The following ZBTB20 variants were observed in gnomAD, a reference collection of about 807,000 sequenced individuals.
ZBTB20 encodes the protein zinc finger and BTB domain-containing protein 20.
A neutral mutation model predicts 56.9 loss-of-function variants in ZBTB20; 9 were observed. The observed-to-expected ratio is 0.16, with a 90% CI of 0.10 to 0.28. ZBTB20 has a LOEUF of 0.28. ZBTB20 is among the 10% of genes least tolerant of loss of function. ZBTB20 has a pLI of 1.00. For missense variants in ZBTB20, 655 were observed against 1,003.0 expected, an observed-to-expected ratio of 0.65 and a Z score of 4.69; for synonymous variants, 417 against 420.7, an observed-to-expected ratio of 0.99 and a Z score of 0.11.
Position 115,050,058 on chromosome 3 carries a change from C to T in ZBTB20, c.-507+21161G>A, listed in dbSNP as rs2081485551. 3.3e-5 allele frequency among the ~76,000 whole-genome samples: 5 copies of T among 151,872 alleles called. No individual in the cohort carries two copies. In the South Asian group the frequency reaches 6.3e-4, roughly 19 times the overall value. The stretch of plus-strand genomic sequence containing the variant: ...TAAGGAACAAGTGTTGAAAAAAATT[C>T]CCCTAGTGTTATGGAAATGGTATTT... On this transcript the variant is annotated intron_variant, in intron 2 of 11. Transcript: ENST00000675478.
At chr3:114,712,492 A>T (rs1302598565) in intron 5 of ZBTB20, among the ~76,000 whole-genome samples, 1 of 151,788 alleles carries the variant, frequency 6.6e-6, no homozygotes, top group African/African-American at 2.4e-5. Flanking sequence ...CTCTACTAAA[A>T]ATTAAAAAAA....
At chr3:115,020,250 A>G (rs1322224153) in intron 2 of ZBTB20, among the ~76,000 whole-genome samples, 1 of 151,198 alleles carries the variant, frequency 6.6e-6, no homozygotes, top group Non-Finnish European at 1.5e-5. Flanking sequence ...ATTATATTTT[A>G]AAATTGATAT....
chr3:114,384,285 G>GA (rs754177583), intron 8 of ZBTB20, among the ~76,000 whole-genome samples: 20 of 151,826 alleles, frequency 1.3e-4, no homozygotes, highest in Non-Finnish European at 2.4e-4. Context: ...AACAAAGAAA[G>GA]AAACCAGGGA....
At chr3:114,924,348 G>A (rs1292801982) in intron 3 of ZBTB20, among the ~76,000 whole-genome samples, 1 of 152,126 alleles carries the variant, frequency 6.6e-6, no homozygotes, top group South Asian at 2.1e-4. Context: ...TAAAGAAAAT[G>A]TGGTACATAT....
At chr3:114,648,147 A>T (rs2059945823) in intron 6 of ZBTB20, among the ~76,000 whole-genome samples, 1 of 151,894 alleles carries the variant, frequency 6.6e-6, no homozygotes, top group Non-Finnish European at 1.5e-5. Context: ...ATTACTCATC[A>T]ATAAAAAATT....
chr3:114,731,823 T>G (rs889186749), intron 5 of ZBTB20, among the ~76,000 whole-genome samples: 1 of 152,122 alleles, frequency 6.6e-6, no homozygotes. Context: ...CGGCTGTGCC[T>G]AGATTAGTAA....
At chr3:114,879,445 A>G (rs1008437527) in intron 4 of ZBTB20, among the ~76,000 whole-genome samples, 1 of 152,168 alleles carries the variant, frequency 6.6e-6, no homozygotes, top group East Asian at 1.9e-4. Flanking sequence ...AGTGACTAAA[A>G]TCTAGTCACT....
At chr3:115,054,517 T>A (rs921699653) in intron 2 of ZBTB20, among the ~76,000 whole-genome samples, 21 of 152,124 alleles carry the variant, frequency 1.4e-4, no homozygotes, top group Middle Eastern at 3.2e-3. Context: ...CTTTTCCCCG[T>A]CAAGTATTCC....
intron 5 of ZBTB20, among the ~76,000 whole-genome samples, chr3:114,765,678 T>A (rs1428656993): frequency 1.3e-5 from 2 of 152,158 alleles, no homozygotes; most frequent in Non-Finnish European, 2.9e-5. Flanking sequence ...CAGGAAATCA[T>A]CATGTAAAGA....
chr3:115,146,526 G>T (rs2084979432), intron 1 of ZBTB20, among the ~76,000 whole-genome samples: 1 of 152,198 alleles, frequency 6.6e-6, no homozygotes, highest in African/African-American at 2.4e-5. Flanking sequence ...TGTTTCCGAA[G>T]TGGCCCAAAG....
intron 3 of ZBTB20, among the ~76,000 whole-genome samples, chr3:114,958,273 G>T (rs112893018): frequency 2.0e-5 from 3 of 152,290 alleles, no homozygotes; most frequent in African/African-American, 7.2e-5. Context: ...ACTGTCTAAA[G>T]AATTTATTTT....
intron 5 of ZBTB20, among the ~76,000 whole-genome samples, chr3:114,731,472 T>G (rs918126630): frequency 1.3e-5 from 2 of 152,224 alleles, no homozygotes; most frequent in Admixed American, 1.3e-4. Context: ...TTTCTATGTA[T>G]CTGGACTCAT....
At chr3:114,722,644 G>A (rs1392974061) in intron 5 of ZBTB20, among the ~76,000 whole-genome samples, 2 of 152,106 alleles carry the variant, frequency 1.3e-5, no homozygotes. Flanking sequence ...ATACAGCTTG[G>A]CTCTTCCCTC....
intron 2 of ZBTB20, among the ~76,000 whole-genome samples, chr3:115,058,230 G>C (rs1307402579): frequency 6.6e-6 from 1 of 152,064 alleles, no homozygotes; most frequent in Non-Finnish European, 1.5e-5. Context: ...AGTTTATATT[G>C]TTTCTGACAA....
chr3:114,950,232 T>C (rs1182907096), intron 3 of ZBTB20, among the ~76,000 whole-genome samples: 1 of 152,218 alleles, frequency 6.6e-6, no homozygotes, highest in Non-Finnish European at 1.5e-5. Flanking sequence ...ACTATGTTTT[T>C]TTCCTATACA....
chr3:114,803,455 G>C (rs555303159), intron 4 of ZBTB20, among the ~76,000 whole-genome samples: 1 of 151,672 alleles, frequency 6.6e-6, no homozygotes, highest in Admixed American at 6.6e-5. Flanking sequence ...GCAAACGGCT[G>C]GGCAAAACAG....
intron 6 of ZBTB20, among the ~76,000 whole-genome samples, chr3:114,552,421 T>G (rs1056683785): frequency 1.3e-5 from 2 of 150,550 alleles, no homozygotes; most frequent in African/African-American, 5.0e-5. Context: ...TTTACTTGAC[T>G]CTTCCTGTTT....
chr3:115,014,708 C>T (rs1330276739), intron 2 of ZBTB20, among the ~76,000 whole-genome samples: 1 of 151,584 alleles, frequency 6.6e-6, no homozygotes, highest in Admixed American at 6.6e-5. Context: ...TACTAGTTAA[C>T]GTAGAAGGGT....
At chr3:114,425,950 A>C (rs1195523800) in intron 7 of ZBTB20, among the ~76,000 whole-genome samples, 4 of 152,220 alleles carry the variant, frequency 2.6e-5, no homozygotes, top group Admixed American at 1.3e-4. Flanking sequence ...TATCAAATTT[A>C]GAAATTTTCT....
Sources: gnomAD v4.1 joint callset for allele counts (sites outside exome capture counted in the v4.1 genomes callset) on GRCh38, gnomAD v4.1.1 for gene constraint, MANE v1.5 for transcripts, NCBI Gene and HGNC (gene_info 2026-07-23, HGNC 2026-07-21) for gene names.